The following MAPK10 variants were observed in gnomAD, a reference collection of about 807,000 sequenced individuals.
MAPK10 encodes JNK3 alpha protein kinase.
In MAPK10, 25 loss-of-function variants were observed where a neutral mutation model predicts 59.3. That is an observed-to-expected ratio of 0.42 (90% confidence interval 0.31 to 0.59). The LOEUF (loss-of-function observed/expected upper bound fraction) is 0.59, where lower values mean the gene tolerates loss of function less well. Ranked by LOEUF, MAPK10 falls within the 20% of genes least tolerant of loss-of-function variation. The pLI is 0.15. For synonymous variants in MAPK10, 190 were observed against 200.5 expected (o/e 0.95, Z 0.44); for missense variants, 351 against 568.9 (o/e 0.62, Z 3.90).
chr4:86,084,668 T>C (rs1338676209), intron 9 of MAPK10, among the ~76,000 whole-genome samples: 1 of 144,688 alleles, frequency 6.9e-6, no homozygotes, highest in East Asian at 1.9e-4. Flanking sequence ...AAAATGTCCA[T>C]ACTACCCAAA....
chr4:86,078,604 TACACAC>T (rs35865395), intron 9 of MAPK10, among the ~76,000 whole-genome samples: 3 of 149,776 alleles, frequency 2.0e-5, no homozygotes, highest in South Asian at 4.2e-4. Context: ...TATATATATA[TACACAC>T]ACACACACAC....
At chr4:86,159,566 A>G (rs2068864995) in intron 3 of MAPK10, 99 bp from the exon 4 acceptor site, 1 of 946,824 alleles carries the variant, frequency 1.1e-6, no homozygotes, top group African/African-American at 1.7e-5. Context: ...ACTGACACTT[A>G]GCCATCTATC....
At chr4:86,585,497 C>T (rs976697930) in intron 1 of MAPK10, among the ~76,000 whole-genome samples, 2 of 152,148 alleles carry the variant, frequency 1.3e-5, no homozygotes, top group Non-Finnish European at 2.9e-5. Flanking sequence ...AACAGTAGAT[C>T]GATGGTCAAA....
At chr4:86,391,294 A>C (rs1407035257) in intron 1 of MAPK10, among the ~76,000 whole-genome samples, 1 of 152,214 alleles carries the variant, frequency 6.6e-6, no homozygotes, top group African/African-American at 2.4e-5. Flanking sequence ...ATCAGAGTAA[A>C]AAGCTTTCCT....
chr4:86,148,085 C>T (rs1394265963), intron 4 of MAPK10, among the ~76,000 whole-genome samples: 1 of 152,114 alleles, frequency 6.6e-6, no homozygotes, highest in African/African-American at 2.4e-5. Context: ...AGTCAGAATC[C>T]TTGTCCCAAG....
chr4:86,081,116 C>G (rs1341915827), intron 9 of MAPK10: 3 of 151,890 alleles, frequency 2.0e-5, no homozygotes, highest in Non-Finnish European at 4.4e-5. Context: ...ACTTAACATC[C>G]CCCTGCAAAT....
intron 1 of MAPK10, among the ~76,000 whole-genome samples, chr4:86,508,525 T>C (rs1446847578): frequency 6.6e-6 from 1 of 152,200 alleles, no homozygotes; most frequent in Admixed American, 6.6e-5. Flanking sequence ...GGCATTCTTT[T>C]CTGGTGAATT....
chr4:86,165,324 G>A lies in MAPK10; in HGVS notation c.67-5857C>T, dbSNP rs2071255365. Among the ~76,000 whole-genome samples, 3 of 152,050 alleles carry A rather than the reference G, an allele frequency of 2.0e-5. No homozygotes were observed. The South Asian group carries it at 6.2e-4, about 32-fold the overall frequency. ...CCTGATGTTCTGGGGTGGCAAAAAGGCATGTGCTTAATCTATTTTAAATAT... is the reference window on the plus strand; with the variant it reads ...CCTGATGTTCTGGGGTGGCAAAAAGACATGTGCTTAATCTATTTTAAATAT... On this transcript the variant is annotated intron_variant, in intron 3 of 13. Transcript: ENST00000641462.
At chr4:86,060,438 CT>C (rs1295122092) in intron 11 of MAPK10, among the ~76,000 whole-genome samples, 2 of 152,150 alleles carry the variant, frequency 1.3e-5, no homozygotes, top group African/African-American at 4.8e-5. Flanking sequence ...TTATGTTCCT[CT>C]TCTTCTGTGC....
At chr4:86,277,706 G>C (rs2094632179) in intron 2 of MAPK10, among the ~76,000 whole-genome samples, 1 of 152,092 alleles carries the variant, frequency 6.6e-6, no homozygotes, top group Admixed American at 6.6e-5. Context: ...AAATCTAAAA[G>C]CATTGCCAGG....
chr4:86,477,674 C>G (rs1213528913), intron 1 of MAPK10, among the ~76,000 whole-genome samples: 1 of 152,166 alleles, frequency 6.6e-6, no homozygotes, highest in Non-Finnish European at 1.5e-5. Flanking sequence ...TACAGTTCCC[C>G]CATTTTACCT....
chr4:86,215,766 G>T (rs910797773), intron 2 of MAPK10, among the ~76,000 whole-genome samples: 3 of 152,156 alleles, frequency 2.0e-5, no homozygotes, highest in African/African-American at 7.2e-5. Context: ...GGAGGCTGGG[G>T]CAGGAGAATC....
At chr4:86,544,218 A>C (rs763398564) in intron 1 of MAPK10, among the ~76,000 whole-genome samples, 1 of 152,204 alleles carries the variant, frequency 6.6e-6, no homozygotes, top group Non-Finnish European at 1.5e-5. Context: ...GGTGCTTACT[A>C]GTATAATAGC....
chr4:86,217,795 A>C (rs977060120), intron 2 of MAPK10, among the ~76,000 whole-genome samples: 1 of 150,560 alleles, frequency 6.6e-6, no homozygotes, highest in African/African-American at 2.5e-5. Context: ...TATATGGTAA[A>C]TGCTATATAT....
intron 1 of MAPK10, among the ~76,000 whole-genome samples, chr4:86,484,510 T>C (rs1753842534): frequency 6.6e-6 from 1 of 152,200 alleles, no homozygotes; most frequent in South Asian, 2.1e-4. Context: ...ACTTGCTTTG[T>C]GACTCTGTGC....
chr4:86,047,090 C>A (rs982047975), intron 11 of MAPK10, among the ~76,000 whole-genome samples: 18 of 151,740 alleles, frequency 1.2e-4, no homozygotes, highest in Admixed American at 2.0e-4. Context: ...ATTATTTTTA[C>A]AAACACTTGT....
intron 4 of MAPK10, among the ~76,000 whole-genome samples, chr4:86,150,633 G>C (rs1053262650): frequency 6.6e-6 from 1 of 152,058 alleles, no homozygotes; most frequent in South Asian, 2.1e-4. Context: ...AGGCCGAGAC[G>C]GGCAGATCAC....
rs1485308950 is a variant in MAPK10, at chr4:86,365,789, A to G, written c.-121-11145T>C. Among the ~76,000 whole-genome samples, 4 of 152,196 alleles carry G rather than the reference A, an allele frequency of 2.6e-5. No homozygotes were observed. In the East Asian group the frequency reaches 7.7e-4, roughly 29 times the overall value. On this transcript the variant is annotated intron_variant, in intron 1 of 13. Transcript: ENST00000361569. The stretch of plus-strand genomic sequence containing the variant: ...CAAACTCTTTTTCAAAGTGCTTTCA[A>G]ATAAAACTGTATGTAATATAGAAGT...
At chr4:86,359,553 C>T (rs779847083) in intron 1 of MAPK10, 105 bp downstream of exon 1, 7 of 376,318 alleles carry the variant, frequency 1.9e-5, no homozygotes, top group South Asian at 1.1e-4. Context: ...CCACCTCTCT[C>T]GTCTCTTCCA....
Sources: gnomAD v4.1 joint callset for allele counts (sites outside exome capture counted in the v4.1 genomes callset) on GRCh38, gnomAD v4.1.1 for gene constraint, MANE v1.5 for transcripts, NCBI Gene and HGNC (gene_info 2026-07-23, HGNC 2026-07-21) for gene names.